Variants in GIPC2 observed in about 807,000 individuals in gnomAD.
The protein encoded by GIPC2 is PDZ domain-containing protein GIPC2.
A neutral mutation model predicts 30.6 loss-of-function variants in GIPC2; 30 were observed. The observed-to-expected ratio is 0.98, with a 90% CI of 0.73 to 1.33. GIPC2 has a LOEUF of 1.33. Among genes scored for constraint, GIPC2 ranks in the 40% most tolerant of loss-of-function variants. GIPC2 has a pLI of 0.00. For missense variants in GIPC2, 414 were observed against 390.3 expected (o/e 1.06, Z -0.51); for synonymous variants, 167 against 150.0 (o/e 1.11, Z -0.83).
chr1:78,098,284 C>G (rs1662176340), intron 3 of GIPC2, among the ~76,000 whole-genome samples: 1 of 152,120 alleles, frequency 6.6e-6, no homozygotes. Context: ...TGACAGCATC[C>G]AACTTTCTTT....
At chr1:78,063,582 G>A (rs952312122) in intron 1 of GIPC2, among the ~76,000 whole-genome samples, 1 of 148,814 alleles carries the variant, frequency 6.7e-6, no homozygotes, top group African/African-American at 2.5e-5. Flanking sequence ...TTTGAAAAGA[G>A]TAAGAATAAG....
In GIPC2 at chr1:78,111,070, G is replaced by C. The variant is rs1662457006; in HGVS notation, c.608-8323G>C. On this transcript the variant is annotated intron_variant, in intron 3 of 5. Coordinates refer to ENST00000370759, the MANE Select transcript of GIPC2 (RefSeq NM_017655.6). The stretch of plus-strand genomic sequence containing the variant: ...GGCCCACCCTTTGATATTTCTCTTG[G>C]TGCTCTGTAACTTCAGAGATGGAAA... Among the ~76,000 whole-genome samples the C allele has an allele frequency of 3.3e-5, 5 of 152,142 alleles. No individual in the cohort carries two copies. The South Asian group carries it at 1.0e-3, about 32-fold the overall frequency.
At chr1:78,090,060 C>T (rs1662008625) in intron 2 of GIPC2, among the ~76,000 whole-genome samples, 2 of 152,150 alleles carry the variant, frequency 1.3e-5, no homozygotes, top group Admixed American at 1.3e-4. Context: ...CCATTCATAA[C>T]TCATGGGCCA....
chr1:78,098,804 C>T (rs145565872), intron 3 of GIPC2, among the ~76,000 whole-genome samples: 7 of 152,208 alleles, frequency 4.6e-5, no homozygotes, highest in African/African-American at 1.7e-4. Flanking sequence ...TAGACACAGA[C>T]ACAGGGAGGA....
chr1:78,058,990 C>T lies in GIPC2; in HGVS notation c.240+12656C>T, dbSNP rs189949021. On this transcript the variant is annotated intron_variant, in intron 1 of 5. Transcript: ENST00000370759. ...CATTTCATCCTTGTCCTTTACTGAT[C>T]GTTTTGCTGCCCTGTCCTCCTCACT... Among the ~76,000 whole-genome samples, 17 of 152,288 alleles carry T rather than the reference C, an allele frequency of 1.1e-4. No individual in the cohort carries two copies. The East Asian group carries it at 1.5e-3, about 14-fold the overall frequency.
At position 78,130,205 on chromosome 1, in the gene GIPC2, C is replaced by A. The variant is rs74933226; in HGVS notation, c.796+4243C>A. ...GCAACCCCCGCCTCCCGGGTTCAAGCGATTCTCCTGCCTCAGCCTCCTGAG... is the reference window on the plus strand; with the variant it reads ...GCAACCCCCGCCTCCCGGGTTCAAGAGATTCTCCTGCCTCAGCCTCCTGAG... On this transcript the variant is annotated intron_variant, in intron 5 of 5. Transcript: ENST00000370759. Among the ~76,000 whole-genome samples the A allele has an allele frequency of 3.3e-5, 5 of 150,962 alleles. No homozygotes were observed. The East Asian group carries it at 7.9e-4, about 24-fold the overall frequency.
At position 78,124,976 on chromosome 1, in the gene GIPC2, CAAACA is replaced by C. The variant is rs530777145; in HGVS notation, c.715-887_715-883del. Among the ~76,000 whole-genome samples the C allele has an allele frequency of 4.8e-3, 728 of 152,198 alleles. 6 individuals are homozygous for C. Among genetic ancestry groups the C allele is most frequent in the African/African-American group, 0.017 (685 of 41,496 alleles). The stretch of plus-strand genomic sequence containing the variant: ...TGGGCAACAGAATGAGACTCTGTCT[CAAACA>C]AAACAAAACAAAACAAAGCAAGACA... On this transcript the variant is annotated intron_variant, in intron 4 of 5. Coordinates refer to ENST00000370759, the MANE Select transcript of GIPC2 (RefSeq NM_017655.6).
intron 4 of GIPC2, 62 bp downstream of exon 4, chr1:78,119,561 TC>T: frequency 9.9e-7 from 1 of 1,013,700 alleles, no homozygotes; most frequent in Non-Finnish European, 1.5e-6. Context: ...AAAATTCCAT[TC>T]ATTCTAACCA....
In GIPC2 at chr1:78,136,813, C is replaced by T. The variant is rs1663015303; in HGVS notation, c.*1070C>T. ...GAGAGTAAATGACTGTCTTATCACTCTTATTTGACATTTCGTAGGTGTAAG... is the reference window on the plus strand; with the variant it reads ...GAGAGTAAATGACTGTCTTATCACTTTTATTTGACATTTCGTAGGTGTAAG... On this transcript the variant is annotated 3_prime_UTR_variant, in exon 6 of 6. Transcript: ENST00000370759. 6.6e-6 allele frequency: 1 copy of T among 151,870 alleles called. No homozygotes were observed. The highest frequency in any genetic ancestry group is 2.4e-5 in the African/African-American group (1 of 41,360). 9.4% of individuals were successfully genotyped at this position (151,870 alleles called of 1,614,324 possible).
chr1:78,057,002 G>A (rs190654969), intron 1 of GIPC2, among the ~76,000 whole-genome samples: 42 of 152,240 alleles, frequency 2.8e-4, no homozygotes, highest in African/African-American at 9.1e-4. Flanking sequence ...CTGTAGTCTA[G>A]TTTGGCATCC....
chr1:78,119,947 G>A (rs1311612127), intron 4 of GIPC2, among the ~76,000 whole-genome samples: 2 of 152,116 alleles, frequency 1.3e-5, no homozygotes, highest in East Asian at 3.9e-4. Flanking sequence ...ACCTCTATAA[G>A]ATACTGGAGT....
chr1:78,060,940 G>T (rs552913862), intron 1 of GIPC2, among the ~76,000 whole-genome samples: 1 of 150,206 alleles, frequency 6.7e-6, no homozygotes, highest in East Asian at 2.0e-4. Context: ...ATTGTATTCT[G>T]TTCTGTATGG....
chr1:78,061,882 G>A (rs1468144633), intron 1 of GIPC2, among the ~76,000 whole-genome samples: 1 of 152,150 alleles, frequency 6.6e-6, no homozygotes, highest in Non-Finnish European at 1.5e-5. Context: ...CTCCCAAAGT[G>A]CTGAGATTAC....
At chr1:78,119,527 C>A (rs764588322) in intron 4 of GIPC2, 28 bp downstream of exon 4, 2 of 1,342,748 alleles carry the variant, frequency 1.5e-6, no homozygotes, top group Non-Finnish European at 2.1e-6. Flanking sequence ...ACTTCCTGTT[C>A]TGCTTGGAAA....
intron 5 of GIPC2, among the ~76,000 whole-genome samples, chr1:78,128,060 T>G (rs1255671796): frequency 6.6e-6 from 1 of 152,214 alleles, no homozygotes; most frequent in Non-Finnish European, 1.5e-5. Context: ...AAAACATTGG[T>G]AGTTTGTTCC....
At chr1:78,100,942 ACAC>A (rs1557542861) in intron 3 of GIPC2, among the ~76,000 whole-genome samples, 4,815 of 98,756 alleles carry the variant, frequency 0.049, 134 homozygotes, top group African/African-American at 0.1. Context: ...AAAAAAAAAT[ACAC>A]ACACACACAC....
chr1:78,098,950 G>A (rs1662191020), intron 3 of GIPC2, among the ~76,000 whole-genome samples: 1 of 152,072 alleles, frequency 6.6e-6, no homozygotes, highest in African/African-American at 2.4e-5. Flanking sequence ...TATTGTTTAA[G>A]CCACCTAGTC....
intron 1 of GIPC2, among the ~76,000 whole-genome samples, chr1:78,060,769 A>G (rs565458288): frequency 2.8e-4 from 42 of 152,172 alleles, no homozygotes; most frequent in African/African-American, 8.4e-4. Context: ...ATCTATTGTA[A>G]CCACTTTCTT....
At chr1:78,130,099 G>T (rs1445381025) in intron 5 of GIPC2, among the ~76,000 whole-genome samples, 1 of 145,878 alleles carries the variant, frequency 6.9e-6, no homozygotes. Flanking sequence ...TTCTTCCTAG[G>T]ATCACTTTTT....
Sources: gnomAD v4.1 joint callset for allele counts (sites outside exome capture counted in the v4.1 genomes callset) on GRCh38, gnomAD v4.1.1 for gene constraint, MANE v1.5 for transcripts, NCBI Gene and HGNC (gene_info 2026-07-23, HGNC 2026-07-21) for gene names.